The following RSPRY1 variants were observed in gnomAD, a reference collection of about 807,000 sequenced individuals.
RSPRY1 encodes the protein RING finger and SPRY domain-containing protein 1.
In RSPRY1, 23 loss-of-function variants were observed where a neutral mutation model predicts 73.1. The observed-to-expected ratio is 0.31, with a 90% CI of 0.23 to 0.45. The LOEUF is 0.45. Ranked by LOEUF, RSPRY1 falls within the 20% of genes least tolerant of loss-of-function variation. The pLI, the probability that RSPRY1 is intolerant of heterozygous loss-of-function variation, is 1.00. For synonymous variants in RSPRY1, 226 were observed against 251.4 expected (o/e 0.90, Z 0.95); for missense variants, 448 against 698.7 (o/e 0.64, Z 4.05).
In RSPRY1 at chr16:57,239,105, TA is replaced by T. The variant is rs2075343956; in HGVS notation, c.*135del. ...TTATAGCCATGGCCAGATTTTATGC[TA>T]AAAATGGTAGTTTGTCAAAGACAAA... On this transcript the variant is annotated 3_prime_UTR_variant, in exon 15 of 15. Coordinates refer to ENST00000394420, the MANE Select transcript of RSPRY1 (RefSeq NM_133368.3). 3.4e-5 allele frequency: 14 copies of T among 413,684 alleles called. No individual in the cohort carries two copies. In the South Asian group the frequency reaches 8.2e-4, roughly 24 times the overall value. 25.6% of individuals were successfully genotyped at this position (413,684 alleles called of 1,614,324 possible).
intron 1 of RSPRY1, among the ~76,000 whole-genome samples, chr16:57,197,195 T>C (rs2074464603): frequency 6.6e-6 from 1 of 152,200 alleles, no homozygotes; most frequent in Non-Finnish European, 1.5e-5. Context: ...CCCAGTCTTT[T>C]GCCTGCAGTC....
In RSPRY1 at chr16:57,208,083, A is replaced by G; in HGVS notation, c.376A>G (p.Ile126Val). The G allele has an allele frequency of 1.9e-6, 3 of 1,596,674 alleles. No individual in the cohort carries two copies. The highest frequency in any genetic ancestry group is 1.7e-6 in the Non-Finnish European group (2 of 1,169,608). ...DNDQEPPYSM[I>V]TLHEMAETDE... is the part of the protein sequence containing the mutation. Reference sequence around the variant, plus strand: ...TGATCAGGAACCTCCCTATTCAATGATAACATTACACGAAATGGCAGAAAC... The same window carrying G: ...TGATCAGGAACCTCCCTATTCAATGGTAACATTACACGAAATGGCAGAAAC... Residue 126 changes from isoleucine to valine, a missense_variant, in exon 3 of 15, where the codon ATA becomes GTA. Transcript: ENST00000394420.
In RSPRY1 at chr16:57,230,755, A is replaced by C. The variant is rs759262015; in HGVS notation, c.1318A>C (p.Ile440Leu). 2 of 1,611,820 alleles carry C rather than the reference A, an allele frequency of 1.2e-6. No individual in the cohort carries two copies. Among genetic ancestry groups the C allele is most frequent in the South Asian group, 2.2e-5 (2 of 91,052 alleles). ...GTTAGACTTGAATGAAAAGCAAATG[A>C]TCTTCTTTTTAAATGGCAACCAGCT... is the stretch of plus-strand genomic sequence containing the variant. ...FLLDLNEKQM[I>L]FFLNGNQLPP... The change falls in exon 12 of 15, where the codon ATC becomes CTC. Residue 440 changes from isoleucine to leucine, a missense_variant. Ile to Leu is a conservative substitution (Grantham distance 5). Coordinates refer to ENST00000394420, the MANE Select transcript of RSPRY1 (RefSeq NM_133368.3).
intron 4 of RSPRY1, among the ~76,000 whole-genome samples, chr16:57,209,848 A>T (rs1263755389): frequency 6.8e-6 from 1 of 146,172 alleles, no homozygotes; most frequent in African/African-American, 2.5e-5. Context: ...CTAATTTTGT[A>T]TTTTTTTTTA....
chr16:57,227,251 C>G, intron 10 of RSPRY1, 91 bp from the exon 11 acceptor site: 1 of 809,154 alleles, frequency 1.2e-6, no homozygotes, highest in Non-Finnish European at 2.1e-6. Flanking sequence ...AGAATCCCAG[C>G]CATTAGGTCA....
chr16:57,231,636 T>G (rs367993804), intron 13 of RSPRY1, among the ~76,000 whole-genome samples: 1 of 152,246 alleles, frequency 6.6e-6, no homozygotes, highest in Non-Finnish European at 1.5e-5. Context: ...TTTCAAATTT[T>G]TTTTGTGAGA....
chr16:57,204,087 G>A (rs1272117303), intron 1 of RSPRY1, among the ~76,000 whole-genome samples: 1 of 152,008 alleles, frequency 6.6e-6, no homozygotes, highest in Non-Finnish European at 1.5e-5. Flanking sequence ...AAAGAAAGGA[G>A]TTAATTCATT....
At chr16:57,237,603 T>C (rs1175063342) in intron 14 of RSPRY1, among the ~76,000 whole-genome samples, 1 of 152,142 alleles carries the variant, frequency 6.6e-6, no homozygotes, top group Non-Finnish European at 1.5e-5. Flanking sequence ...TAAAACAATA[T>C]AAAATAGGAA....
At chr16:57,234,644 AAAGT>A (rs1346347717) in intron 13 of RSPRY1, among the ~76,000 whole-genome samples, 1 of 152,240 alleles carries the variant, frequency 6.6e-6, no homozygotes, top group African/African-American at 2.4e-5. Context: ...ATGCTGAGTG[AAAGT>A]ATAATGGAAG....
intron 13 of RSPRY1, 27 bp from the exon 14 acceptor site, chr16:57,235,097 G>A (rs748408537): frequency 6.4e-7 from 1 of 1,558,008 alleles, no homozygotes; most frequent in Middle Eastern, 1.7e-4. Context: ...TTGACAAAAT[G>A]TATTTCAAAT....
At chr16:57,214,049 A>G in intron 6 of RSPRY1, 103 bp downstream of exon 6, 2 of 756,258 alleles carry the variant, frequency 2.6e-6, no homozygotes, top group South Asian at 3.0e-5. Context: ...TGGCACAGAG[A>G]ATGGAATCAA....
intron 13 of RSPRY1, among the ~76,000 whole-genome samples, chr16:57,233,621 C>T (rs1170237829): frequency 4.6e-5 from 7 of 152,154 alleles, no homozygotes; most frequent in Admixed American, 6.5e-5. Context: ...CTGCCTGCCT[C>T]GGCCTCCCAA....
chr16:57,238,761 A>G (rs1224074804), intron 14 of RSPRY1, 118 bp from the exon 15 acceptor site: 1 of 551,068 alleles, frequency 1.8e-6, no homozygotes, highest in Non-Finnish European at 3.3e-6. Context: ...TAAACCATGT[A>G]TAATTAGTAA....
intron 1 of RSPRY1, among the ~76,000 whole-genome samples, chr16:57,202,904 A>ATATATATATATATATATATC (rs1484372029): frequency 1.4e-5 from 2 of 141,886 alleles, no homozygotes; most frequent in African/African-American, 5.1e-5. Flanking sequence ...ATATATATAT[A>ATATATATATATATATATATC]TATCTGAAGA....
At chr16:57,234,057 G>T (rs1295413115) in intron 13 of RSPRY1, among the ~76,000 whole-genome samples, 1 of 152,022 alleles carries the variant, frequency 6.6e-6, no homozygotes, top group Non-Finnish European at 1.5e-5. Context: ...GACCTCCCAG[G>T]CCCCGTACAA....
intron 1 of RSPRY1, among the ~76,000 whole-genome samples, chr16:57,196,278 C>CCA (rs1423530252): frequency 2.0e-4 from 31 of 152,002 alleles, no homozygotes; most frequent in African/African-American, 7.0e-4. Context: ...GCTTTTTAGG[C>CCA]TGACCTCTCC....
intron 2 of RSPRY1, among the ~76,000 whole-genome samples, chr16:57,206,642 A>G (rs1333325761): frequency 6.6e-6 from 1 of 152,088 alleles, no homozygotes; most frequent in Middle Eastern, 3.2e-3. Context: ...GACTCACTGC[A>G]GCCTCAGCCT....
chr16:57,220,946 T>G, intron 9 of RSPRY1, 99 bp downstream of exon 9: 1 of 860,868 alleles, frequency 1.2e-6, no homozygotes, highest in Non-Finnish European at 1.9e-6. Flanking sequence ...CTTCCCACTC[T>G]CCCTGTATTT....
chr16:57,226,463 G>A (rs1329703486), intron 10 of RSPRY1, among the ~76,000 whole-genome samples: 1 of 152,206 alleles, frequency 6.6e-6, no homozygotes, highest in Non-Finnish European at 1.5e-5. Context: ...ATGCTAAACA[G>A]GGATGGATTA....
Sources: allele counts gnomAD v4.1 joint callset (sites outside exome capture counted in the v4.1 genomes callset), GRCh38; gene constraint gnomAD v4.1.1; transcripts MANE v1.5; gene names NCBI Gene and HGNC (gene_info 2026-07-23, HGNC 2026-07-21).